Variants in CARD10 observed in about 807,000 individuals in gnomAD.
CARD10 encodes the protein caspase recruitment domain-containing protein 10.
CARD10 carries 49 observed loss-of-function variants against 114.6 expected under a neutral mutation model. The ratio of observed to expected loss-of-function variants is 0.43; its 90% confidence interval spans 0.34 to 0.54. CARD10 has a LOEUF of 0.54. Among genes scored for constraint, CARD10 ranks in the 20% least tolerant of loss-of-function variants. CARD10 has a pLI of 0.03. For missense variants in CARD10, 1,206 were observed against 1,397.2 expected (o/e 0.86, Z 2.18); for synonymous variants, 602 against 593.2 (o/e 1.01, Z -0.21).
At chr22:37,506,482 G>A in intron 6 of CARD10, 99 bp from the exon 7 acceptor site, 1 of 865,418 alleles carries the variant, frequency 1.2e-6, no homozygotes, top group African/African-American at 1.7e-5. Flanking sequence ...GAGAATGGCA[G>A]CTATCACTTA....
At chr22:37,505,637 CAAAAAAA>C (rs1053786440) in intron 7 of CARD10, among the ~76,000 whole-genome samples, 1 of 109,724 alleles carries the variant, frequency 9.1e-6, no homozygotes, top group Non-Finnish European at 1.9e-5. Flanking sequence ...GATTCTGTCT[CAAAAAAA>C]AAAAAAAAAG....
chr22:37,512,991 G>A (rs942541076), intron 3 of CARD10, among the ~76,000 whole-genome samples: 12 of 152,320 alleles, frequency 7.9e-5, no homozygotes, highest in Middle Eastern at 3.4e-3. Context: ...AGCCAGGCAC[G>A]ATCAGGTGCT....
At chr22:37,505,405 C>T (rs1023284684) in intron 7 of CARD10, among the ~76,000 whole-genome samples, 4 of 152,030 alleles carry the variant, frequency 2.6e-5, no homozygotes, top group Admixed American at 1.3e-4. Context: ...GCTGGGCGTT[C>T]GCACCTCTAA....
At position 37,515,962 on chromosome 22, in the gene CARD10, C is replaced by T. The variant is rs1220452188; in HGVS notation, c.699+11G>A. ...TCCCTTGCCTCCCCGACCCATCTCCCCAGGGCCTACCGCCAGCTGCAGGTC... is the reference window on the plus strand; with the variant it reads ...TCCCTTGCCTCCCCGACCCATCTCCTCAGGGCCTACCGCCAGCTGCAGGTC... On this transcript the variant is annotated intron_variant, in intron 3 of 19. Coordinates refer to ENST00000251973, the MANE Select transcript of CARD10 (RefSeq NM_014550.4). 7 of 1,559,358 alleles carry T rather than the reference C, an allele frequency of 4.5e-6. No homozygotes were observed. Among genetic ancestry groups the T allele is most frequent in the East Asian group, 4.7e-5 (2 of 42,560 alleles).
Position 37,518,946 on chromosome 22 carries a change from A to T in CARD10, c.235+20T>A. On this transcript the variant is annotated intron_variant, in intron 1 of 19. Transcript: ENST00000251973. Reference sequence around the variant, plus strand: ...GCACGGCCGGCCCAGGTCGTGGCCCACTCGGGACCCGCGGCTCACCGGTGC... The same window carrying T: ...GCACGGCCGGCCCAGGTCGTGGCCCTCTCGGGACCCGCGGCTCACCGGTGC... The T allele has an allele frequency of 6.6e-7, 1 of 1,511,218 alleles. No individual in the cohort carries two copies. Among genetic ancestry groups the T allele is most frequent in the Non-Finnish European group, 8.9e-7 (1 of 1,129,164 alleles). The allele number at this position is 1,511,218 out of a possible 1,614,324, so 93.6% of individuals were successfully genotyped here.
chr22:37,506,129 C>T (rs1458467106), intron 7 of CARD10, 63 bp downstream of exon 7: 3 of 1,343,068 alleles, frequency 2.2e-6, no homozygotes, highest in Non-Finnish European at 3.0e-6. Context: ...CCAGCCCTGG[C>T]CAAGAGCTCC....
At position 37,516,337 on chromosome 22, in the gene CARD10, G is replaced by T. The variant is rs1445816825; in HGVS notation, c.374-39C>A. 11 of 1,452,584 alleles carry T rather than the reference G, an allele frequency of 7.6e-6. No homozygotes were observed. The Admixed American group carries it at 8.8e-5, about 12-fold the overall frequency. The allele number at this position is 1,452,584 out of a possible 1,614,324, so 90.0% of individuals were successfully genotyped here. A position where few individuals can be genotyped will look rare whatever the true frequency, so the allele number is the denominator to read the frequency against. The stretch of plus-strand genomic sequence containing the variant: ...ACAGGGGACAGAATAGGCAGCTCAG[G>T]CAAGTAAAATCCAGGAGATAACATA... On this transcript the variant is annotated intron_variant, in intron 2 of 19. Coordinates refer to ENST00000251973, the MANE Select transcript of CARD10 (RefSeq NM_014550.4).
intron 3 of CARD10, 64 bp downstream of exon 3, chr22:37,515,909 T>C: frequency 1.5e-6 from 2 of 1,342,386 alleles, no homozygotes; most frequent in Admixed American, 4.6e-5. Context: ...ACAGGCTGGC[T>C]GGCTACTACA....
At chr22:37,498,630 G>C (rs1391789130) in intron 11 of CARD10, among the ~76,000 whole-genome samples, 1 of 152,200 alleles carries the variant, frequency 6.6e-6, no homozygotes, top group African/African-American at 2.4e-5. Context: ...AAGACACAGA[G>C]CCAGGCCGAG....
In CARD10 at chr22:37,491,828, C is replaced by T. The variant is rs368317452; in HGVS notation, c.2791G>A (p.Glu931Lys). 4 of 1,604,914 alleles carry T rather than the reference C, an allele frequency of 2.5e-6. No individual in the cohort carries two copies. Among genetic ancestry groups the T allele is most frequent in the African/African-American group, 1.4e-5 (1 of 74,014 alleles). ...GGGTAGATCTCGTTCTGCACCAGCT[C>T]CCGCACACCCCGAGCACCCAGCTCC... is the stretch of plus-strand genomic sequence containing the variant. Reference protein sequence around the residue: ...LLELGARGVRELVQNEIYPIV... With the variant: ...LLELGARGVRKLVQNEIYPIV... The change falls in exon 19 of 20, where the codon GAG (glutamate) becomes AAG (lysine). Residue 931 changes from glutamate to lysine, a missense_variant. Transcript: ENST00000251973.
At chr22:37,503,459 C>T (rs1476309864) in intron 9 of CARD10, among the ~76,000 whole-genome samples, 1 of 152,166 alleles carries the variant, frequency 6.6e-6, no homozygotes, top group Admixed American at 6.5e-5. Flanking sequence ...CTGGCATGCC[C>T]TTCAAAGCCA....
rs151290630 is a variant in CARD10 at position 37,491,181 on chromosome 22, C to T, written c.3077G>A (p.Cys1026Tyr). The T allele has an allele frequency of 5.4e-4, 849 of 1,567,024 alleles. 6 individuals are homozygous for T. In the East Asian group the frequency reaches 0.013, roughly 25 times the overall value. ...GCCTCAGGCCTCACTGCTGCTGGGG[C>T]AGCCTCTGCTGCTGCCGCACTCCAC... ...VWVECGSSRG[C>Y]PSSSEA The change falls in exon 20 of 20, where the codon TGC becomes TAC. Residue 1026 changes from cysteine (C) to tyrosine (Y), a missense_variant. Transcript: ENST00000251973.
At position 37,495,856 on chromosome 22, in the gene CARD10, T is replaced by G. The variant is rs1922984925; in HGVS notation, c.2207A>C (p.Asp736Ala). The change falls in exon 14 of 20, where the codon GAC (aspartate) becomes GCC (alanine). Residue 736 changes from aspartate (D) to alanine (A), a missense_variant. By Grantham distance (126) the Asp-to-Ala change is moderately radical. This residue lies in a region of CARD10 where 1,068 missense variants were observed against 1,179.1 expected (regional missense o/e 0.91). Transcript: ENST00000251973. ...TTCCTGCCTCCGCTTGTATGCCGAG[T>G]CCACCAGTCGAAGGATCTCTTGGGC... is the stretch of plus-strand genomic sequence containing the variant. The part of the protein sequence containing the change: ...VKAQEILRLV[D>A]SAYKRRQEWF... 1 of 1,613,982 alleles carries G rather than the reference T, an allele frequency of 6.2e-7. No homozygotes were observed.
At chr22:37,500,818 G>T (rs116913814) in intron 11 of CARD10, among the ~76,000 whole-genome samples, 3 of 152,262 alleles carry the variant, frequency 2.0e-5, no homozygotes, top group Admixed American at 1.3e-4. Flanking sequence ...AAACAACAAT[G>T]GCGACAATAA....
At chr22:37,512,492 C>T (rs889884640) in intron 3 of CARD10, among the ~76,000 whole-genome samples, 152 of 149,482 alleles carry the variant, frequency 1.0e-3, no homozygotes, top group Non-Finnish European at 1.2e-3. Flanking sequence ...CACACACACA[C>T]ACACACACAC....
At chr22:37,502,213 C>T (rs1190915209) in intron 11 of CARD10, among the ~76,000 whole-genome samples, 1 of 152,230 alleles carries the variant, frequency 6.6e-6, no homozygotes, top group Non-Finnish European at 1.5e-5. Flanking sequence ...GTCCCAGGGA[C>T]TCAGAGCCAA....
At position 37,496,468 on chromosome 22, in the gene CARD10, G is replaced by C; in HGVS notation, c.2040C>G (p.Pro680=). ...TLLWNQGSTL[P]SLMDSKACQS... ...ACTTACCCTTCGAGTCCATCAGGGA[G>C]GGGAGTGTGGACCCCTGATTCCAGA... Residue 680 remains proline (P), a synonymous_variant, in exon 13 of 20, where the codon CCC becomes CCG. Coordinates refer to ENST00000251973, the MANE Select transcript of CARD10 (RefSeq NM_014550.4). This position sits in a 1 kb window ranked among gnomAD's most constrained non-coding sequence, Gnocchi z 4.1. The C allele has an allele frequency of 1.9e-6, 3 of 1,612,722 alleles. No homozygotes were observed. The highest frequency in any genetic ancestry group is 2.5e-6 in the Non-Finnish European group (3 of 1,178,964).
chr22:37,490,908 T>A lies in CARD10; in HGVS notation c.*251A>T, dbSNP rs932557959. On this transcript the variant is annotated 3_prime_UTR_variant, in exon 20 of 20. Transcript: ENST00000251973. ...CACAGACACACATAAGACCCACTAG[T>A]GGGAATGTGGAGACCCCAGGAAAGG... The A allele has an allele frequency of 2.2e-5, 12 of 552,652 alleles. No homozygotes were observed. In the South Asian group the frequency reaches 2.3e-4, roughly 11 times the overall value. 34.2% of individuals were successfully genotyped at this position (552,652 alleles called of 1,614,324 possible). A position where few individuals can be genotyped will look rare whatever the true frequency, so the allele number is the denominator to read the frequency against.
rs146117689 is a variant in CARD10 at position 37,499,242 on chromosome 22, C to T, written c.1788-2064G>A. Among the ~76,000 whole-genome samples, 26 of 152,250 alleles carry T rather than the reference C, an allele frequency of 1.7e-4. No homozygotes were observed. In the East Asian group the frequency reaches 3.9e-3, roughly 23 times the overall value. ...GGGTCAAACGGCCCAGCTGCTCAGC[C>T]GCTTGAGCCTCAGCTCCACCCACCT... On this transcript the variant is annotated intron_variant, in intron 11 of 19. Transcript: ENST00000251973.
Sources: allele counts gnomAD v4.1 joint callset (sites outside exome capture counted in the v4.1 genomes callset), GRCh38; gene constraint gnomAD v4.1.1; regional missense constraint gnomAD v4.1.1; non-coding constraint Gnocchi (gnomAD v3.1); transcripts MANE v1.5; gene names NCBI Gene and HGNC (gene_info 2026-07-23, HGNC 2026-07-21).